PAG1: variants seen among roughly 807,000 people sequenced by gnomAD.
PAG1 encodes the protein phosphoprotein associated with glycosphingolipid-enriched microdomains 1.
A neutral mutation model predicts 31.7 loss-of-function variants in PAG1; 23 were observed. The observed-to-expected ratio is 0.73, with a 90% CI of 0.52 to 1.03. The LOEUF (loss-of-function observed/expected upper bound fraction) is 1.03, where lower values mean the gene tolerates loss of function less well. Ranked by LOEUF, PAG1 falls within the 50% of genes least tolerant of loss-of-function variation. PAG1 has a pLI of 0.00. For missense variants in PAG1, 473 were observed against 540.7 expected (o/e 0.87, Z 1.24); for synonymous variants, 214 against 210.3 (o/e 1.02, Z -0.15).
chr8:80,983,113 C>T (rs1371443632), intron 7 of PAG1, among the ~76,000 whole-genome samples: 5 of 152,176 alleles, frequency 3.3e-5, no homozygotes. Flanking sequence ...GCTGTCCTTG[C>T]TCTTCCCTCT....
chr8:81,036,388 GA>G (rs201460218), intron 2 of PAG1, among the ~76,000 whole-genome samples: 5 of 150,708 alleles, frequency 3.3e-5, no homozygotes, highest in Admixed American at 2.0e-4. Context: ...ACTTTTGGTA[GA>G]AAAAAAAATG....
At chr8:81,103,003 T>C (rs778897505) in intron 1 of PAG1, among the ~76,000 whole-genome samples, 15 of 152,286 alleles carry the variant, frequency 9.8e-5, no homozygotes, top group Non-Finnish European at 2.2e-4. Context: ...ACAACAGCCA[T>C]TGCAATTGCT....
rs1807035332 is a variant in PAG1 at position 80,969,638 on chromosome 8, A to G, written c.*6906T>C. 6.6e-6 allele frequency: 1 copy of G among 152,250 alleles called. No individual in the cohort carries two copies. The highest frequency in any genetic ancestry group is 2.4e-5 in the African/African-American group (1 of 41,462). 9.4% of individuals were successfully genotyped at this position (152,250 alleles called of 1,614,324 possible). On this transcript the variant is annotated 3_prime_UTR_variant, in exon 9 of 9. Coordinates refer to ENST00000220597, the MANE Select transcript of PAG1 (RefSeq NM_018440.4). ...AACTGTGTCCTATTTAGAGTGCCTA[A>G]CAGGTATACTAGGGGAACTTTAAAA...
chr8:81,025,433 T>C (rs1303298295), intron 3 of PAG1, among the ~76,000 whole-genome samples: 1 of 152,174 alleles, frequency 6.6e-6, no homozygotes, highest in Non-Finnish European at 1.5e-5. Flanking sequence ...CTCCTCAGAT[T>C]CCACTTTGGG....
At chr8:80,980,268 T>A (rs973187339) in intron 8 of PAG1, among the ~76,000 whole-genome samples, 167 bp downstream of exon 8, 4 of 152,178 alleles carry the variant, frequency 2.6e-5, no homozygotes, top group Admixed American at 6.5e-5. Flanking sequence ...TGCCCGTCAG[T>A]CTCTCCAAGC....
intron 1 of PAG1, among the ~76,000 whole-genome samples, chr8:81,109,796 T>C (rs1173374921): frequency 2.0e-5 from 3 of 152,250 alleles, no homozygotes; most frequent in Non-Finnish European, 4.4e-5. Flanking sequence ...ATTGTACAGA[T>C]GAAGACACTG....
intron 2 of PAG1, among the ~76,000 whole-genome samples, chr8:81,067,224 C>A (rs920356704): frequency 1.4e-4 from 21 of 152,124 alleles, no homozygotes; most frequent in African/African-American, 5.1e-4. Context: ...AAAGTACCAG[C>A]CAAGATGCTA....
chr8:81,094,376 C>G lies in PAG1; in HGVS notation c.-234+17215G>C, dbSNP rs138619898. Among the ~76,000 whole-genome samples the G allele has an allele frequency of 4.1e-4, 63 of 152,212 alleles. 1 individual carries two copies. In the East Asian group the frequency reaches 0.012, roughly 29 times the overall value. ...AGCAAGATTTCTAATTATCAGTGTG[C>G]TTTTCACTCAGCAACCCTCCTCCAC... is the stretch of plus-strand genomic sequence containing the variant. On this transcript the variant is annotated intron_variant, in intron 1 of 8. Coordinates refer to ENST00000220597, the MANE Select transcript of PAG1 (RefSeq NM_018440.4).
chr8:81,048,452 C>G (rs1173222181), intron 2 of PAG1, among the ~76,000 whole-genome samples: 4 of 152,088 alleles, frequency 2.6e-5, no homozygotes, highest in Non-Finnish European at 5.9e-5. Context: ...AGTAGGGCTA[C>G]CATCCATGAA....
At chr8:80,976,961 CTT>C in intron 8 of PAG1, 55 bp from the exon 9 acceptor site, 2 of 1,526,336 alleles carry the variant, frequency 1.3e-6, no homozygotes, top group Non-Finnish European at 1.8e-6. Context: ...CCCCCTCCCT[CTT>C]TTTAGTGACA....
intron 1 of PAG1, among the ~76,000 whole-genome samples, chr8:81,096,554 C>A (rs886678368): frequency 2.0e-5 from 3 of 152,176 alleles, no homozygotes; most frequent in Non-Finnish European, 4.4e-5. Flanking sequence ...AAAGACTCTG[C>A]CATCCATCTT....
In PAG1 at chr8:81,035,050, G is replaced by A. The variant is rs572440651; in HGVS notation, c.-174-4961C>T. ...CCCTTATTTGGGTGTCGGTGGTGGC[G>A]GTGGGTGGGGATTTTTGGGGCCCAG... On this transcript the variant is annotated intron_variant, in intron 2 of 8. Transcript: ENST00000220597. 9.9e-5 allele frequency among the ~76,000 whole-genome samples: 15 copies of A among 152,058 alleles called. No individual in the cohort carries two copies. The East Asian group carries it at 1.5e-3, about 16-fold the overall frequency.
intron 1 of PAG1, among the ~76,000 whole-genome samples, chr8:81,110,920 T>C (rs1809763287): frequency 6.6e-6 from 1 of 152,232 alleles, no homozygotes; most frequent in Non-Finnish European, 1.5e-5. Context: ...GATAAAGTTA[T>C]CCAGCCGGGA....
intron 2 of PAG1, among the ~76,000 whole-genome samples, chr8:81,036,297 T>C (rs565704472): frequency 1.3e-5 from 2 of 152,326 alleles, no homozygotes; most frequent in East Asian, 3.9e-4. Context: ...TCTCTGGATA[T>C]GCCTACCAAA....
intron 2 of PAG1, among the ~76,000 whole-genome samples, chr8:81,040,485 AAC>A (rs1424333210): frequency 6.6e-6 from 1 of 152,100 alleles, no homozygotes; most frequent in Admixed American, 6.5e-5. Context: ...AAACAACAAA[AAC>A]CCTCATCCAA....
Position 80,971,486 on chromosome 8 carries a change from A to C in PAG1, c.*5058T>G, listed in dbSNP as rs1408950520. ...AAAGGTAACAACATTAAAACATTTT[A>C]CTGCTGCCAATGTAACATACAGACA... On this transcript the variant is annotated 3_prime_UTR_variant, in exon 9 of 9. Transcript: ENST00000220597. 6.6e-6 allele frequency: 1 copy of C among 152,252 alleles called. No individual in the cohort carries two copies. Among genetic ancestry groups the C allele is most frequent in the Non-Finnish European group, 1.5e-5 (1 of 68,038 alleles). 9.4% of individuals were successfully genotyped at this position (152,252 alleles called of 1,614,324 possible).
intron 7 of PAG1, among the ~76,000 whole-genome samples, chr8:80,983,163 G>A (rs1410375787): frequency 6.6e-6 from 1 of 152,126 alleles, no homozygotes; most frequent in East Asian, 1.9e-4. Context: ...TAAAAAGCCA[G>A]TTGCAAGCTC....
At chr8:80,978,704 C>T (rs1406816467) in intron 8 of PAG1, among the ~76,000 whole-genome samples, 1 of 152,216 alleles carries the variant, frequency 6.6e-6, no homozygotes, top group East Asian at 1.9e-4. Context: ...GGGAATGAAC[C>T]TAGTGTGCAG....
chr8:81,005,889 G>A (rs73694007), intron 3 of PAG1, among the ~76,000 whole-genome samples: 1 of 152,310 alleles, frequency 6.6e-6, no homozygotes, highest in African/African-American at 2.4e-5. Context: ...CTGAGGCCCA[G>A]ATATAATAGA....
Sources: gnomAD v4.1 joint callset for allele counts (sites outside exome capture counted in the v4.1 genomes callset) on GRCh38, gnomAD v4.1.1 for gene constraint, MANE v1.5 for transcripts, NCBI Gene and HGNC (gene_info 2026-07-23, HGNC 2026-07-21) for gene names.